CDH4: variants seen among roughly 807,000 people sequenced by gnomAD.
The protein encoded by CDH4 is cadherin-4.
A neutral mutation model predicts 86.0 loss-of-function variants in CDH4; 33 were observed. That is an observed-to-expected ratio of 0.38 (90% CI 0.29 to 0.51). The LOEUF (loss-of-function observed/expected upper bound fraction) is 0.51, where lower values mean the gene tolerates loss of function less well. Among genes scored for constraint, CDH4 ranks in the 20% least tolerant of loss-of-function variants. CDH4 has a pLI of 0.86. For missense variants in CDH4, 1,114 were observed against 1,307.4 expected (o/e 0.85, Z 2.28); for synonymous variants, 555 against 549.4 (o/e 1.01, Z -0.14).
At chr20:61,514,598 T>C (rs1242690879) in intron 2 of CDH4, among the ~76,000 whole-genome samples, 1 of 152,200 alleles carries the variant, frequency 6.6e-6, no homozygotes, top group Admixed American at 6.5e-5. Context: ...TATTTCCATG[T>C]TGCGGGGCCT....
chr20:61,260,308 T>C (rs2084121502), intron 2 of CDH4, among the ~76,000 whole-genome samples: 1 of 152,218 alleles, frequency 6.6e-6, no homozygotes, highest in African/African-American at 2.4e-5. Context: ...ACTTGGTAAC[T>C]GTTTGTTGAA....
rs551001276 is a variant in CDH4, at chr20:61,617,296, C to A, written c.170-126267C>A. Among the ~76,000 whole-genome samples, 4 of 152,250 alleles carry A rather than the reference C, an allele frequency of 2.6e-5. No homozygotes were observed. In the South Asian group the frequency reaches 8.3e-4, roughly 32 times the overall value. On this transcript the variant is annotated intron_variant, in intron 2 of 15. Transcript: ENST00000614565. The stretch of plus-strand genomic sequence containing the variant: ...GACTCCACTCTATCCGCAGATGTGT[C>A]CCCAGCACCTGGGGCCTGGTGTGGG...
intron 4 of CDH4, among the ~76,000 whole-genome samples, chr20:61,792,654 G>A (rs1196067658): frequency 6.6e-6 from 1 of 151,996 alleles, no homozygotes; most frequent in African/African-American, 2.4e-5. Context: ...GTGTGTGTGT[G>A]TGTATTTTTT....
intron 8 of CDH4, among the ~76,000 whole-genome samples, chr20:61,906,089 C>A (rs2054785246): frequency 6.6e-6 from 1 of 152,212 alleles, no homozygotes; most frequent in Non-Finnish European, 1.5e-5. Flanking sequence ...GACGCAGGGG[C>A]CGCCAGAACT....
intron 14 of CDH4, among the ~76,000 whole-genome samples, chr20:61,933,653 C>T (rs1348520259): frequency 2.7e-5 from 4 of 148,038 alleles, no homozygotes; most frequent in African/African-American, 7.8e-5. Flanking sequence ...ATGTGCCTTG[C>T]GGAGGCCCAG....
At chr20:61,849,090 G>A (rs1380239295) in intron 5 of CDH4, among the ~76,000 whole-genome samples, 1 of 152,028 alleles carries the variant, frequency 6.6e-6, no homozygotes, top group East Asian at 1.9e-4. Context: ...GGAGATGCAG[G>A]GCCCAGAAGG....
intron 4 of CDH4, among the ~76,000 whole-genome samples, chr20:61,783,513 A>G (rs1978661429): frequency 6.7e-6 from 1 of 150,044 alleles, no homozygotes; most frequent in Non-Finnish European, 1.5e-5. Flanking sequence ...ATGTAATCCC[A>G]GTTCCTTGGG....
intron 8 of CDH4, among the ~76,000 whole-genome samples, chr20:61,907,738 G>C (rs370653902): frequency 9.2e-5 from 14 of 152,318 alleles, no homozygotes; most frequent in African/African-American, 3.4e-4. Flanking sequence ...CAGGTTCCGG[G>C]CTCTGGCCAC....
intron 7 of CDH4, among the ~76,000 whole-genome samples, chr20:61,892,920 T>C (rs1341865989): frequency 6.7e-6 from 1 of 149,272 alleles, no homozygotes; most frequent in Non-Finnish European, 1.5e-5. Flanking sequence ...GAGGGAGGGA[T>C]GGTGTATGGG....
intron 2 of CDH4, among the ~76,000 whole-genome samples, chr20:61,524,288 C>T (rs139486217): frequency 1.2e-3 from 180 of 152,242 alleles, no homozygotes; most frequent in South Asian, 5.0e-3. Flanking sequence ...CAAAGGAGGG[C>T]ACGTGAAAAC....
chr20:61,522,287 G>T (rs1462538934), intron 2 of CDH4, among the ~76,000 whole-genome samples: 1 of 151,554 alleles, frequency 6.6e-6, no homozygotes, highest in African/African-American at 2.4e-5. Context: ...AACCCCCCAA[G>T]CCAGTGGAGC....
chr20:61,940,092 A>G lies in CDH4; in HGVS notation c.*3149A>G. ...AATTTCTGTCAGTGCTCAAAGGAAT[A>G]ACACCAAAAGAATCAACACAGAATC... On this transcript the variant is annotated 3_prime_UTR_variant, in exon 16 of 16. Transcript: ENST00000614565. 6.6e-6 allele frequency: 1 copy of G among 152,322 alleles called. No homozygotes were observed. Among genetic ancestry groups the G allele is most frequent in the Admixed American group, 6.5e-5 (1 of 15,298 alleles). 9.4% of individuals were successfully genotyped at this position (152,322 alleles called of 1,614,324 possible).
intron 7 of CDH4, among the ~76,000 whole-genome samples, chr20:61,881,496 C>G (rs1300439492): frequency 6.6e-6 from 1 of 152,248 alleles, no homozygotes; most frequent in Non-Finnish European, 1.5e-5. Context: ...ATTACGGCCC[C>G]ACCTGGCAGC....
intron 2 of CDH4, among the ~76,000 whole-genome samples, chr20:61,384,295 C>T (rs2084939242): frequency 6.6e-6 from 1 of 152,144 alleles, no homozygotes; most frequent in East Asian, 1.9e-4. Flanking sequence ...TATTGGGAAT[C>T]ACACCAGGAG....
chr20:61,323,973 GC>G (rs1308185200), intron 2 of CDH4, among the ~76,000 whole-genome samples: 3 of 152,168 alleles, frequency 2.0e-5, no homozygotes, highest in Admixed American at 2.0e-4. Flanking sequence ...TAGCTCTGGT[GC>G]CAGCACATTT....
intron 2 of CDH4, among the ~76,000 whole-genome samples, chr20:61,423,144 C>T (rs2085189479): frequency 1.3e-5 from 2 of 152,112 alleles, no homozygotes; most frequent in African/African-American, 4.8e-5. Context: ...ATGCTGGAAG[C>T]ACAATGGGGG....
intron 2 of CDH4, among the ~76,000 whole-genome samples, chr20:61,277,797 G>A (rs1348307316): frequency 6.6e-6 from 1 of 152,220 alleles, no homozygotes; most frequent in East Asian, 1.9e-4. Context: ...GACAATTACT[G>A]TGTCGGGAGT....
chr20:61,362,213 G>T (rs372013825), intron 2 of CDH4, among the ~76,000 whole-genome samples: 3 of 152,232 alleles, frequency 2.0e-5, no homozygotes, highest in Non-Finnish European at 4.4e-5. Context: ...AGCCTGGCAG[G>T]GGGGGATGTG....
intron 2 of CDH4, among the ~76,000 whole-genome samples, chr20:61,535,124 C>T (rs1260312101): frequency 1.3e-5 from 2 of 152,244 alleles, no homozygotes; most frequent in East Asian, 1.9e-4. Context: ...TGGTTGAGCC[C>T]TCACCATAGT....
Sources: gnomAD v4.1 joint callset for allele counts (sites outside exome capture counted in the v4.1 genomes callset) on GRCh38, gnomAD v4.1.1 for gene constraint, MANE v1.5 for transcripts, NCBI Gene and HGNC (gene_info 2026-07-23, HGNC 2026-07-21) for gene names.